Variants in MINDY4 observed in about 807,000 individuals in gnomAD.
MINDY4 encodes the protein probable ubiquitin carboxyl-terminal hydrolase MINDY-4.
MINDY4 carries 68 observed loss-of-function variants against 87.0 expected under a neutral mutation model. The ratio of observed to expected loss-of-function variants is 0.78; its 90% CI spans 0.64 to 0.96. The LOEUF (loss-of-function observed/expected upper bound fraction) is 0.96. Ranked by LOEUF, MINDY4 falls within the 40% of genes least tolerant of loss-of-function variation. MINDY4 has a pLI of 0.00. For synonymous variants in MINDY4, 379 were observed against 363.2 expected, an observed-to-expected ratio of 1.04 and a Z score of -0.50; for missense variants, 919 against 928.2, an observed-to-expected ratio of 0.99 and a Z score of 0.13.
chr7:30,891,386 T>C (rs529115171), intron 17 of MINDY4, among the ~76,000 whole-genome samples: 1 of 151,136 alleles, frequency 6.6e-6, no homozygotes, highest in African/African-American at 2.5e-5. Flanking sequence ...AATTTAGTTA[T>C]ACTCCGTGCT....
intron 6 of MINDY4, among the ~76,000 whole-genome samples, 173 bp from the exon 7 acceptor site, chr7:30,836,485 C>T (rs142154879): frequency 4.5e-4 from 69 of 152,308 alleles, no homozygotes; most frequent in African/African-American, 9.6e-4. Context: ...GCTTTCCTTC[C>T]GCTAAGGGTC....
At chr7:30,813,074 T>C (rs949143742) in intron 5 of MINDY4, among the ~76,000 whole-genome samples, 1 of 152,048 alleles carries the variant, frequency 6.6e-6, no homozygotes, top group Admixed American at 6.5e-5. Context: ...AGGGAGACGA[T>C]GGTGGGAGAG....
intron 5 of MINDY4, among the ~76,000 whole-genome samples, chr7:30,809,065 A>AAAAC (rs113022204): frequency 3.2e-4 from 49 of 152,330 alleles, no homozygotes; most frequent in African/African-American, 1.1e-3. Context: ...TTAAGAAAAA[A>AAAAC]AAACAGTGTA....
At chr7:30,856,369 C>A (rs1051820290) in intron 12 of MINDY4, among the ~76,000 whole-genome samples, 2 of 151,994 alleles carry the variant, frequency 1.3e-5, no homozygotes, top group African/African-American at 4.8e-5. Flanking sequence ...TTAGTGTGTT[C>A]CAGCAAGGGC....
intron 5 of MINDY4, among the ~76,000 whole-genome samples, chr7:30,827,100 G>C (rs1157355918): frequency 6.6e-6 from 1 of 152,174 alleles, no homozygotes; most frequent in Non-Finnish European, 1.5e-5. Context: ...ATCTAGGTGA[G>C]AGGTGAAGAG....
At chr7:30,846,433 C>T (rs1028941368) in intron 9 of MINDY4, among the ~76,000 whole-genome samples, 4 of 152,198 alleles carry the variant, frequency 2.6e-5, no homozygotes, top group African/African-American at 9.7e-5. Context: ...CTTTTTCCTG[C>T]ACTTCACCTG....
intron 7 of MINDY4, 146 bp downstream of exon 7, chr7:30,836,910 A>G: frequency 1.6e-6 from 1 of 641,746 alleles, no homozygotes; most frequent in Non-Finnish European, 2.7e-6. Flanking sequence ...GTAGAAGAAA[A>G]TGTGAACCGA....
At chr7:30,863,140 G>A (rs1386763744) in intron 13 of MINDY4, among the ~76,000 whole-genome samples, 1 of 152,186 alleles carries the variant, frequency 6.6e-6, no homozygotes, top group African/African-American at 2.4e-5. Context: ...CTGTTCTGGG[G>A]TTCACATTCA....
intron 5 of MINDY4, among the ~76,000 whole-genome samples, chr7:30,809,638 C>A (rs931553136): frequency 1.3e-5 from 2 of 151,512 alleles, no homozygotes; most frequent in Non-Finnish European, 2.9e-5. Context: ...AAATCCCAAA[C>A]TTACAAGTGT....
chr7:30,882,207 G>A lies in MINDY4; in HGVS notation c.1998G>A (p.Arg666=), dbSNP rs747969600. 27 of 1,611,408 alleles carry A rather than the reference G, an allele frequency of 1.7e-5. No individual in the cohort carries two copies. Among genetic ancestry groups the A allele is most frequent in the Non-Finnish European group, 2.2e-5 (26 of 1,178,010 alleles). ...TTGGCTGCTTCCTGAAGACCCCGAG[G>A]TTCCCCATCTGGGTGGTTTGCAGTG... ...CQVGCFLKTP[R]FPIWVVCSES... The change falls in exon 16 of 18, where the codon AGG becomes AGA. Residue 666 remains arginine (R), a synonymous_variant. Transcript: ENST00000265299.
chr7:30,880,246 TC>T (rs202097064), intron 15 of MINDY4, among the ~76,000 whole-genome samples: 2,446 of 151,336 alleles, frequency 0.016, 52 homozygotes, highest in African/African-American at 0.057. Context: ...TGCTACATGT[TC>T]CCCCACCAGG....
At chr7:30,797,329 A>G (rs1356099178) in intron 5 of MINDY4, among the ~76,000 whole-genome samples, 1 of 152,224 alleles carries the variant, frequency 6.6e-6, no homozygotes, top group East Asian at 1.9e-4. Flanking sequence ...ATATCTGAGG[A>G]TTACAAGTGC....
intron 7 of MINDY4, 55 bp downstream of exon 7, chr7:30,836,819 T>C (rs1788871791): frequency 7.5e-7 from 1 of 1,334,722 alleles, no homozygotes; most frequent in African/African-American, 1.5e-5. Context: ...TGGATATAGA[T>C]GGCGTGATTT....
intron 17 of MINDY4, among the ~76,000 whole-genome samples, chr7:30,883,208 C>T (rs1373226568): frequency 6.6e-6 from 1 of 152,236 alleles, no homozygotes; most frequent in Non-Finnish European, 1.5e-5. Flanking sequence ...CGTCTTTAGA[C>T]AGCTTCTGAG....
At chr7:30,865,043 G>A (rs903054195) in intron 13 of MINDY4, among the ~76,000 whole-genome samples, 3 of 152,120 alleles carry the variant, frequency 2.0e-5, no homozygotes, top group African/African-American at 7.2e-5. Context: ...TGGGATGCTC[G>A]TCAGCTTACC....
At chr7:30,782,889 A>G (rs1330194715) in intron 3 of MINDY4, among the ~76,000 whole-genome samples, 2 of 152,144 alleles carry the variant, frequency 1.3e-5, no homozygotes, top group Non-Finnish European at 2.9e-5. Flanking sequence ...ACCTGATAGG[A>G]TGTGGCCCAC....
chr7:30,795,879 T>C (rs1380648219), intron 5 of MINDY4, among the ~76,000 whole-genome samples: 1 of 152,200 alleles, frequency 6.6e-6, no homozygotes, highest in East Asian at 1.9e-4. Context: ...TTCCCCTTCC[T>C]GCTCCCTCTT....
chr7:30,872,146 C>A, intron 13 of MINDY4, 97 bp from the exon 14 acceptor site: 1 of 1,151,616 alleles, frequency 8.7e-7, no homozygotes, highest in Non-Finnish European at 1.3e-6. Context: ...AATTCTGGGT[C>A]TTAGCCTGGA....
At chr7:30,815,182 CCTT>C (rs1263771333) in intron 5 of MINDY4, among the ~76,000 whole-genome samples, 1 of 152,196 alleles carries the variant, frequency 6.6e-6, no homozygotes, top group African/African-American at 2.4e-5. Flanking sequence ...GGCAGCAACT[CCTT>C]CAGGCAGCCA....
Sources: gnomAD v4.1 joint callset for allele counts (sites outside exome capture counted in the v4.1 genomes callset) on GRCh38, gnomAD v4.1.1 for gene constraint, MANE v1.5 for transcripts, NCBI Gene and HGNC (gene_info 2026-07-23, HGNC 2026-07-21) for gene names.